The following GRID1 variants were observed in gnomAD, a reference collection of about 807,000 sequenced individuals.
GRID1 encodes glutamate ionotropic receptor delta type subunit 1.
In GRID1, 28 loss-of-function variants were observed where a neutral mutation model predicts 98.0. The ratio of observed to expected loss-of-function variants is 0.29; its 90% CI spans 0.21 to 0.39. The LOEUF (loss-of-function observed/expected upper bound fraction) is 0.39. Ranked by LOEUF, GRID1 falls within the 10% of genes least tolerant of loss-of-function variation. The probability of loss-of-function intolerance (pLI) is 1.00; values close to 1 mark genes in which losing one functional copy is unlikely to be tolerated. For synonymous variants in GRID1, 553 were observed against 538.5 expected (o/e 1.03, Z -0.37); for missense variants, 1,111 against 1,340.5 (o/e 0.83, Z 2.67).
chr10:85,674,041 A>C (rs1229072310), intron 12 of GRID1, among the ~76,000 whole-genome samples: 1 of 152,212 alleles, frequency 6.6e-6, no homozygotes, highest in Non-Finnish European at 1.5e-5. Context: ...GGTTAAAATG[A>C]GTTTGCTGGT....
chr10:86,280,139 G>A (rs895130797), intron 2 of GRID1, among the ~76,000 whole-genome samples: 5 of 152,124 alleles, frequency 3.3e-5, no homozygotes, highest in African/African-American at 1.2e-4. Context: ...GGAGGTCAAG[G>A]CTACAGTGAG....
intron 4 of GRID1, among the ~76,000 whole-genome samples, chr10:85,971,251 T>C (rs1842403439): frequency 6.6e-6 from 1 of 151,994 alleles, no homozygotes; most frequent in Non-Finnish European, 1.5e-5. Context: ...AAACAAAATA[T>C]AGGAAGATAG....
In GRID1 at chr10:85,729,551, G is replaced by T. The variant is rs375277319; in HGVS notation, c.1297C>A (p.Arg433Ser). ...ACTTTAAGAGTCAATCCTTGGAGGC[G>T]GCTGCCCATGGGCCTCTCTTGCAAG... ...GSLQERPMGS[R>S]LQGLTLKVVT... The change falls in exon 9 of 16, where the codon CGC (arginine) becomes AGC (serine). Residue 433 changes from arginine to serine, a missense_variant. Around this residue, in one of 3 missense-constraint regions of GRID1, gnomAD observed 762 missense variants for 869.1 expected, o/e 0.88. Transcript: ENST00000327946. 9 of 1,612,314 alleles carry T rather than the reference G, an allele frequency of 5.6e-6. No individual in the cohort carries two copies. The African/African-American group carries it at 9.4e-5, about 17-fold the overall frequency.
chr10:85,920,179 T>C (rs952383382), intron 4 of GRID1, among the ~76,000 whole-genome samples: 10 of 152,030 alleles, frequency 6.6e-5, no homozygotes, highest in Non-Finnish European at 1.3e-4. Context: ...CTTTCTTTTT[T>C]TAAGTCCCCA....
chr10:86,304,472 CT>C lies in GRID1; in HGVS notation c.235+59468del, dbSNP rs1439837859. 1.1e-4 allele frequency among the ~76,000 whole-genome samples: 16 copies of C among 152,350 alleles called. No individual in the cohort carries two copies. In the South Asian group the frequency reaches 3.3e-3, roughly 32 times the overall value. On this transcript the variant is annotated intron_variant, in intron 2 of 15. Coordinates refer to ENST00000327946, the MANE Select transcript of GRID1 (RefSeq NM_017551.3). ...GAAGAACACTTCTGCTCCTGGACCTCTGAGCAGGACCCAGTAGGCACCTGCT... is the reference window on the plus strand; with the variant it reads ...GAAGAACACTTCTGCTCCTGGACCTCGAGCAGGACCCAGTAGGCACCTGCT...
chr10:85,733,483 ATTG>A (rs2132663190), intron 8 of GRID1, among the ~76,000 whole-genome samples: 1 of 152,326 alleles, frequency 6.6e-6, no homozygotes, highest in East Asian at 1.9e-4. Flanking sequence ...CTATGTTCTA[ATTG>A]TTGTCACCAC....
intron 3 of GRID1, among the ~76,000 whole-genome samples, chr10:86,164,807 A>G (rs1407100255): frequency 6.6e-6 from 1 of 152,116 alleles, no homozygotes; most frequent in Non-Finnish European, 1.5e-5. Flanking sequence ...AGTCGGCCCT[A>G]CACTCACTCA....
chr10:85,684,312 T>C (rs1434547689), intron 12 of GRID1, among the ~76,000 whole-genome samples: 1 of 152,096 alleles, frequency 6.6e-6, no homozygotes, highest in Non-Finnish European at 1.5e-5. Flanking sequence ...GATAAAAGAA[T>C]GAAAAACTAC....
chr10:86,164,868 A>G (rs1845375948), intron 3 of GRID1, among the ~76,000 whole-genome samples: 1 of 152,150 alleles, frequency 6.6e-6, no homozygotes, highest in Admixed American at 6.5e-5. Context: ...GGGGCACATC[A>G]GCAGCATGGA....
chr10:86,124,992 G>C (rs1354672138), intron 4 of GRID1, among the ~76,000 whole-genome samples: 1 of 152,182 alleles, frequency 6.6e-6, no homozygotes, highest in Non-Finnish European at 1.5e-5. Flanking sequence ...GAACTTCAGG[G>C]AGCAATCATA....
At chr10:85,694,140 G>A (rs749837800) in intron 12 of GRID1, among the ~76,000 whole-genome samples, 5 of 151,980 alleles carry the variant, frequency 3.3e-5, no homozygotes, top group African/African-American at 4.8e-5. Flanking sequence ...CTTTTCAAAA[G>A]GAAACATACC....
chr10:85,854,721 G>A, intron 7 of GRID1, 106 bp from the exon 8 acceptor site: 1 of 1,116,488 alleles, frequency 9.0e-7, no homozygotes, highest in South Asian at 1.4e-5. Context: ...GGAGCAATCA[G>A]TTTTGAGACC....
At chr10:86,016,597 A>G (rs1330926003) in intron 4 of GRID1, among the ~76,000 whole-genome samples, 2 of 152,196 alleles carry the variant, frequency 1.3e-5, no homozygotes, top group African/African-American at 4.8e-5. Context: ...TCTAGCACAA[A>G]GTAGTCCTCC....
intron 4 of GRID1, among the ~76,000 whole-genome samples, chr10:85,942,709 T>C (rs1054838815): frequency 1.3e-5 from 2 of 152,210 alleles, no homozygotes; most frequent in African/African-American, 4.8e-5. Context: ...TATTATAGAT[T>C]ACAAAAGTCT....
chr10:85,619,540 A>T (rs944862769), intron 14 of GRID1, among the ~76,000 whole-genome samples: 1 of 152,100 alleles, frequency 6.6e-6, no homozygotes, highest in Non-Finnish European at 1.5e-5. Flanking sequence ...TCTCCCAGAT[A>T]TCCTGGGTCT....
chr10:86,207,594 C>T (rs188232576), intron 2 of GRID1, among the ~76,000 whole-genome samples: 4 of 149,158 alleles, frequency 2.7e-5, no homozygotes, highest in African/African-American at 4.9e-5. Context: ...ATGGTTTATG[C>T]GATGGCAAGG....
chr10:86,252,244 G>A (rs1846847201), intron 2 of GRID1, among the ~76,000 whole-genome samples: 1 of 152,224 alleles, frequency 6.6e-6, no homozygotes, highest in African/African-American at 2.4e-5. Context: ...GGCCCAAGAA[G>A]AGCGTTAATA....
At chr10:85,732,543 T>C (rs1841837664) in intron 8 of GRID1, among the ~76,000 whole-genome samples, 2 of 152,134 alleles carry the variant, frequency 1.3e-5, no homozygotes, top group South Asian at 2.1e-4. Context: ...GAAGAAACAG[T>C]TGGGATGAAG....
At chr10:85,634,998 G>GAAAAAAAAAAAAAAAAAAAA (rs140144576) in intron 13 of GRID1, among the ~76,000 whole-genome samples, 4 of 35,006 alleles carry the variant, frequency 1.1e-4, no homozygotes, top group African/African-American at 3.7e-4. Context: ...GAGGAAATCT[G>GAAAAAAAAAAAAAAAAAAAA]AAAAAAAAAA....
Sources: allele counts gnomAD v4.1 joint callset (sites outside exome capture counted in the v4.1 genomes callset), GRCh38; gene constraint gnomAD v4.1.1; regional missense constraint gnomAD v4.1.1; transcripts MANE v1.5; gene names NCBI Gene and HGNC (gene_info 2026-07-23, HGNC 2026-07-21).